Variants in SMYD1 observed in about 807,000 individuals in gnomAD.
The protein encoded by SMYD1 is histone-lysine N-methyltransferase SMYD1.
SMYD1 carries 49 observed loss-of-function variants against 54.0 expected under a neutral mutation model. The observed-to-expected ratio is 0.91, with a 90% confidence interval of 0.72 to 1.15. The LOEUF (loss-of-function observed/expected upper bound fraction) is 1.15. Ranked by LOEUF, SMYD1 falls within the 50% of genes most tolerant of loss-of-function variation. The probability of loss-of-function intolerance (pLI) is 0.00; values close to 1 mark genes in which losing one functional copy is unlikely to be tolerated. For synonymous variants in SMYD1, 269 were observed against 234.2 expected, an observed-to-expected ratio of 1.15 and a Z score of -1.36; for missense variants, 653 against 639.6, an observed-to-expected ratio of 1.02 and a Z score of -0.23.
chr2:88,105,924 T>C lies in SMYD1; in HGVS notation c.982-401T>C, dbSNP rs376747196. On this transcript the variant is annotated intron_variant, in intron 7 of 9. Coordinates refer to ENST00000419482, the MANE Select transcript of SMYD1 (RefSeq NM_198274.4). The stretch of plus-strand genomic sequence containing the variant: ...CTGCACTTCAGCCTGGGCAATGGAG[T>C]GAGACTCTTGTCTCGAAATATATAT... 1.7e-4 allele frequency among the ~76,000 whole-genome samples: 26 copies of C among 149,308 alleles called. No homozygotes were observed. The East Asian group carries it at 5.2e-3, about 30-fold the overall frequency.
chr2:88,104,173 A>G (rs188263691), intron 7 of SMYD1, among the ~76,000 whole-genome samples: 46 of 152,162 alleles, frequency 3.0e-4, no homozygotes, highest in Non-Finnish European at 5.0e-4. Flanking sequence ...TCACCATGTT[A>G]GCCAGGATGG....
At chr2:88,070,868 G>A (rs1254190589) in intron 1 of SMYD1, among the ~76,000 whole-genome samples, 10 of 147,834 alleles carry the variant, frequency 6.8e-5, no homozygotes, top group Admixed American at 4.9e-4. Context: ...GCTTAAACCC[G>A]GGAGGCAGAG....
intron 3 of SMYD1, among the ~76,000 whole-genome samples, chr2:88,089,583 C>CTCTTTTTTTTTTT (rs1481581789): frequency 2.6e-5 from 3 of 115,006 alleles, no homozygotes; most frequent in African/African-American, 7.4e-5. Context: ...GAGCTTCTAC[C>CTCTTTTTTTTTTT]TGTTTTTTTT....
intron 1 of SMYD1, among the ~76,000 whole-genome samples, chr2:88,076,255 C>T (rs1332330155): frequency 6.6e-6 from 1 of 152,176 alleles, no homozygotes; most frequent in Non-Finnish European, 1.5e-5. Flanking sequence ...CGCTCTGTCG[C>T]CCAGGCTGGA....
chr2:88,110,428 G>A lies in SMYD1; in HGVS notation c.1389G>A (p.Glu463=). ...QNEFMYYKMR[E]AALNNQPMQV... is the part of the protein sequence containing the mutation. ...AATTCATGTACTACAAGATGCGCGA[G>A]GCTGCCCTGAACAACCAGCCCATGC... The change falls in exon 10 of 10, where the codon GAG becomes GAA. Residue 463 remains glutamate (E), a synonymous_variant. Coordinates refer to ENST00000419482, the MANE Select transcript of SMYD1 (RefSeq NM_198274.4). 1 of 1,610,684 alleles carries A rather than the reference G, an allele frequency of 6.2e-7. No individual in the cohort carries two copies. The highest frequency in any genetic ancestry group is 1.1e-5 in the South Asian group (1 of 90,064).
At chr2:88,107,843 C>A (rs1031297604) in intron 8 of SMYD1, among the ~76,000 whole-genome samples, 36 of 152,316 alleles carry the variant, frequency 2.4e-4, no homozygotes, top group African/African-American at 8.2e-4. Flanking sequence ...CTGTCTGTCA[C>A]CCCTTTCCTT....
chr2:88,108,625 G>A (rs1418624810), intron 9 of SMYD1, 86 bp downstream of exon 9: 1 of 1,363,794 alleles, frequency 7.3e-7, no homozygotes, highest in South Asian at 1.6e-5. Context: ...CTCTGCTTTA[G>A]AAAAGTCCAC....
intron 1 of SMYD1, among the ~76,000 whole-genome samples, chr2:88,070,719 G>A (rs13398992): frequency 0.086 from 13,022 of 151,794 alleles, 1,601 homozygotes; most frequent in African/African-American, 0.27. Context: ...CCAGGCGGGC[G>A]GATCACCTGA....
At chr2:88,068,697 T>A (rs1287011481) in intron 1 of SMYD1, among the ~76,000 whole-genome samples, 1 of 152,088 alleles carries the variant, frequency 6.6e-6, no homozygotes, top group Non-Finnish European at 1.5e-5. Context: ...ACGTTTTTGA[T>A]GTCTATCCTT....
chr2:88,103,960 T>A (rs2104011959), intron 7 of SMYD1, among the ~76,000 whole-genome samples: 1 of 152,092 alleles, frequency 6.6e-6, no homozygotes, highest in Admixed American at 6.5e-5. Context: ...TTCATTTCTA[T>A]TTCTATTTCT....
chr2:88,097,099 G>A lies in SMYD1; in HGVS notation c.888+315G>A, dbSNP rs115644626. On this transcript the variant is annotated intron_variant, in intron 6 of 9. Transcript: ENST00000419482. Reference sequence around the variant, plus strand: ...GACGTGTGTAAAAGGAGTGGCATACGGAGTAGACACTGGAAATTTTGGTTC... The same window carrying A: ...GACGTGTGTAAAAGGAGTGGCATACAGAGTAGACACTGGAAATTTTGGTTC... Among the ~76,000 whole-genome samples, 34 of 152,304 alleles carry A rather than the reference G, an allele frequency of 2.2e-4. No individual in the cohort carries two copies. In the South Asian group the frequency reaches 2.3e-3, roughly 10 times the overall value.
chr2:88,074,363 G>A (rs560204305), intron 1 of SMYD1, among the ~76,000 whole-genome samples: 5 of 152,330 alleles, frequency 3.3e-5, no homozygotes, highest in South Asian at 4.1e-4. Flanking sequence ...AAAGCCAGCA[G>A]TGTAACATCT....
intron 4 of SMYD1, among the ~76,000 whole-genome samples, chr2:88,091,722 G>T (rs561377740): frequency 1.3e-5 from 2 of 152,176 alleles, no homozygotes; most frequent in Admixed American, 1.3e-4. Context: ...ACATTAGCCG[G>T]GCATGGTGGT....
At chr2:88,075,054 A>G (rs1674028880) in intron 1 of SMYD1, among the ~76,000 whole-genome samples, 3 of 152,236 alleles carry the variant, frequency 2.0e-5, no homozygotes, top group African/African-American at 7.2e-5. Context: ...TTCCGGAACA[A>G]TTAGTTCAGA....
At chr2:88,108,090 C>T (rs1674923745) in intron 8 of SMYD1, among the ~76,000 whole-genome samples, 1 of 152,202 alleles carries the variant, frequency 6.6e-6, no homozygotes, top group African/African-American at 2.4e-5. Context: ...GGCTAGAGTC[C>T]CCAAGCTCAG....
Position 88,093,507 on chromosome 2 carries a change from T to G in SMYD1, c.660-10T>G, listed in dbSNP as rs1052895823. ...ATGATTTCCATATGGGTGTCTGTTTTGTCTTTCAGTCATGAGGCAGTGAAA... is the reference window on the plus strand; with the variant it reads ...ATGATTTCCATATGGGTGTCTGTTTGGTCTTTCAGTCATGAGGCAGTGAAA... On this transcript the variant is annotated splice_polypyrimidine_tract_variant and intron_variant, in intron 4 of 9. Transcript: ENST00000419482. The G allele has an allele frequency of 7.4e-6, 12 of 1,614,084 alleles. No individual in the cohort carries two copies. Among genetic ancestry groups the G allele is most frequent in the Non-Finnish European group, 1.0e-5 (12 of 1,180,032 alleles).
Position 88,096,151 on chromosome 2 carries a change from C to T in SMYD1, c.699-444C>T, listed in dbSNP as rs577380439. On this transcript the variant is annotated intron_variant, in intron 5 of 9. Coordinates refer to ENST00000419482, the MANE Select transcript of SMYD1 (RefSeq NM_198274.4). ...AGAATGGGCCAAGGTTGTGGGTAAC[C>T]GAATGTGTATGTTTCTGAGAGAGTA... Among the ~76,000 whole-genome samples the T allele has an allele frequency of 5.3e-5, 8 of 152,240 alleles. No individual in the cohort carries two copies. The South Asian group carries it at 8.3e-4, about 16-fold the overall frequency.
In SMYD1 at chr2:88,087,872, C is replaced by T. The variant is rs773786522; in HGVS notation, c.325C>T (p.Arg109Cys). ...VPNENIRLAA[R>C]IMWRVEREGT... ...CTGCCCTTCCCACAGGCTGGCGGCG[C>T]GCATCATGTGGCGGGTGGAGAGAGA... The change falls in exon 3 of 10, where the codon CGC becomes TGC. Residue 109 changes from arginine to cysteine, a missense_variant. Coordinates refer to ENST00000419482, the MANE Select transcript of SMYD1 (RefSeq NM_198274.4). 3.8e-6 allele frequency: 6 copies of T among 1,585,812 alleles called. No homozygotes were observed. Among genetic ancestry groups the T allele is most frequent in the African/African-American group, 1.3e-5 (1 of 74,492 alleles).
chr2:88,073,125 A>G (rs1296814610), intron 1 of SMYD1, among the ~76,000 whole-genome samples: 1 of 152,074 alleles, frequency 6.6e-6, no homozygotes, highest in Non-Finnish European at 1.5e-5. Context: ...TACATACCCA[A>G]TGTTTATCTC....
Sources: allele counts gnomAD v4.1 joint callset (sites outside exome capture counted in the v4.1 genomes callset), GRCh38; gene constraint gnomAD v4.1.1; transcripts MANE v1.5; gene names NCBI Gene and HGNC (gene_info 2026-07-23, HGNC 2026-07-21).